UPRT: variants seen among roughly 807,000 people sequenced by gnomAD.
UPRT encodes the protein RP11-311P8.3.
UPRT carries 5 observed loss-of-function variants against 22.6 expected under a neutral mutation model. That is an observed-to-expected ratio of 0.22 (90% CI 0.12 to 0.47). The LOEUF (loss-of-function observed/expected upper bound fraction) is 0.47. Ranked by LOEUF, UPRT falls within the 20% of genes least tolerant of loss-of-function variation. The pLI, the probability that UPRT is intolerant of heterozygous loss-of-function variation, is 0.99. For missense variants in UPRT, 181 were observed against 239.9 expected (o/e 0.75, Z 1.62); for synonymous variants, 77 against 87.7 (o/e 0.88, Z 0.68).
At chrX:75,221,209 G>GTT (rs781624963) in intron 4 of UPRT, among the ~76,000 whole-genome samples, 8 of 104,278 alleles carry the variant, frequency 7.7e-5, no homozygotes, top group African/African-American at 2.8e-4. Flanking sequence ...TTTTTTGTTT[G>GTT]TTTTTTTTTT....
chrX:75,239,242 C>T (rs2082480252), intron 4 of UPRT, among the ~76,000 whole-genome samples: 1 of 110,384 alleles, frequency 9.1e-6, no homozygotes, highest in Non-Finnish European at 1.9e-5. Context: ...GGAAGAAGAC[C>T]CTAATAAGCT....
intron 4 of UPRT, among the ~76,000 whole-genome samples, chrX:75,208,443 A>T (rs1321764674): frequency 8.9e-6 from 1 of 111,888 alleles, no homozygotes; most frequent in East Asian, 2.8e-4. Context: ...ATGTTTGAGT[A>T]TCAGGATCTG....
intron 4 of UPRT, among the ~76,000 whole-genome samples, chrX:75,255,321 C>T (rs753004330): frequency 8.9e-6 from 1 of 111,809 alleles, no homozygotes; most frequent in South Asian, 3.7e-4. Flanking sequence ...GAATTCACCA[C>T]TACCAAGCCA....
At chrX:75,286,311 G>GA (rs2082680105) in intron 1 of UPRT, among the ~76,000 whole-genome samples, 2 of 85,251 alleles carry the variant, frequency 2.3e-5, no homozygotes, top group African/African-American at 9.4e-5. Flanking sequence ...TTACTTGGGG[G>GA]GGGGGTGGGT....
intron 4 of UPRT, among the ~76,000 whole-genome samples, chrX:75,174,405 T>C (rs2082240126): frequency 9.0e-6 from 1 of 111,494 alleles, no homozygotes. Context: ...GCCTCGATTC[T>C]AGAGGAAACA....
chrX:75,213,345 A>G (rs1242753869), intron 4 of UPRT, among the ~76,000 whole-genome samples: 1 of 112,438 alleles, frequency 8.9e-6, no homozygotes, highest in Non-Finnish European at 1.9e-5. Context: ...TTAAACATTG[A>G]TATAAATGTG....
Position 75,175,350 on chromosome X carries a change from T to C in UPRT, c.-447+7471T>C, listed in dbSNP as rs147520249. On this transcript the variant is annotated intron_variant, in intron 4 of 13. Transcript: ENST00000652605. ...ACTTTCAGGCATAACAAAAAAGGCA[T>C]GTGAAAAGAGCAAAGTCTCCCAATT... Among the ~76,000 whole-genome samples the C allele has an allele frequency of 9.9e-3, 1,113 of 111,944 alleles. 14 individuals are homozygous for C. The highest frequency in any genetic ancestry group is 0.033 in the African/African-American group (1,030 of 30,801).
chrX:75,171,156 C>G (rs1173533270), intron 4 of UPRT, among the ~76,000 whole-genome samples: 2 of 111,428 alleles, frequency 1.8e-5, no homozygotes, highest in African/African-American at 6.5e-5. Flanking sequence ...AATTATTCCC[C>G]CAAATATGTT....
At chrX:75,179,864 C>G (rs1047309154) in intron 4 of UPRT, among the ~76,000 whole-genome samples, 1 of 112,756 alleles carries the variant, frequency 8.9e-6, no homozygotes, top group African/African-American at 3.2e-5. Flanking sequence ...GGCCCGCAAG[C>G]GCCGCATGCA....
intron 4 of UPRT, among the ~76,000 whole-genome samples, chrX:75,218,195 A>G (rs1247651776): frequency 1.9e-5 from 2 of 107,418 alleles, no homozygotes; most frequent in Non-Finnish European, 3.9e-5. Flanking sequence ...TTACAAGAAA[A>G]AAACAAACAA....
At chrX:75,242,711 A>T (rs1023748253) in intron 4 of UPRT, among the ~76,000 whole-genome samples, 11 of 111,168 alleles carry the variant, frequency 9.9e-5, no homozygotes, top group Non-Finnish European at 1.7e-4. Context: ...GTGAGATAAA[A>T]CATATTGCAT....
chrX:75,183,013 C>A (rs2082275967), intron 4 of UPRT, among the ~76,000 whole-genome samples: 1 of 109,892 alleles, frequency 9.1e-6, no homozygotes, highest in Admixed American at 9.7e-5. Context: ...TTTTATTTTA[C>A]TTTATTTTAT....
intron 4 of UPRT, among the ~76,000 whole-genome samples, chrX:75,226,731 C>T (rs1389477645): frequency 9.1e-6 from 1 of 109,999 alleles, no homozygotes; most frequent in Non-Finnish European, 1.9e-5. Context: ...GATTCCCTTT[C>T]CCTGCTTGCC....
chrX:75,277,170 A>G (rs1008080174), intron 1 of UPRT, among the ~76,000 whole-genome samples: 6 of 111,803 alleles, frequency 5.4e-5, no homozygotes, highest in Non-Finnish European at 1.1e-4. Flanking sequence ...CTCTTTGGCT[A>G]TTATGAATAA....
chrX:75,300,827 G>T, intron 5 of UPRT, 40 bp from the exon 6 acceptor site: 4 of 1,045,544 alleles, frequency 3.8e-6, no homozygotes, highest in Non-Finnish European at 5.3e-6. Flanking sequence ...AAAAATGAAT[G>T]TTAAGGTTGC....
chrX:75,202,506 T>C (rs2082349768), intron 4 of UPRT, among the ~76,000 whole-genome samples: 1 of 110,990 alleles, frequency 9.0e-6, no homozygotes, highest in Non-Finnish European at 1.9e-5. Flanking sequence ...ATTGAATAAA[T>C]AAAAAAGGAG....
intron 6 of UPRT, among the ~76,000 whole-genome samples, chrX:75,301,204 A>G (rs1208063307): frequency 4.5e-5 from 5 of 112,044 alleles, no homozygotes; most frequent in Non-Finnish European, 9.4e-5. Context: ...AAGAATTGCA[A>G]TTGTTTTCCT....
At chrX:75,255,926 A>T (rs973073585) in intron 4 of UPRT, among the ~76,000 whole-genome samples, 2 of 111,931 alleles carry the variant, frequency 1.8e-5, no homozygotes, top group Non-Finnish European at 3.8e-5. Context: ...GGGGACTTCA[A>T]TACTCCACTG....
chrX:75,212,019 C>T (rs913749699), intron 4 of UPRT, among the ~76,000 whole-genome samples: 1 of 111,187 alleles, frequency 9.0e-6, no homozygotes, highest in Non-Finnish European at 1.9e-5. Flanking sequence ...GTGGTTCTGG[C>T]CCTTGTTCTG....
Sources: allele counts gnomAD v4.1 joint callset (sites outside exome capture counted in the v4.1 genomes callset), GRCh38; gene constraint gnomAD v4.1.1; transcripts MANE v1.5; gene names NCBI Gene and HGNC (gene_info 2026-07-23, HGNC 2026-07-21).